The following DCX variants were observed in gnomAD, a reference collection of about 807,000 sequenced individuals.
DCX encodes the protein neuronal migration protein doublecortin.
DCX carries 4 observed loss-of-function variants against 20.9 expected under a neutral mutation model. The observed-to-expected ratio is 0.19, with a 90% CI of 0.09 to 0.44. The LOEUF (loss-of-function observed/expected upper bound fraction) is 0.44. Ranked by LOEUF, DCX falls within the 20% of genes least tolerant of loss-of-function variation. DCX has a pLI of 0.99. For missense variants in DCX, 133 were observed against 296.9 expected (o/e 0.45, Z 4.06); for synonymous variants, 103 against 111.4 (o/e 0.92, Z 0.47).
At chrX:111,362,511 G>T (rs943075344) in intron 3 of DCX, among the ~76,000 whole-genome samples, 5 of 111,563 alleles carry the variant, frequency 4.5e-5, no homozygotes, top group African/African-American at 1.6e-4. Context: ...CAAAGAACGA[G>T]ATGGTGCTGT....
At chrX:111,302,155 T>C (rs1008842614) in intron 6 of DCX, among the ~76,000 whole-genome samples, 2 of 112,025 alleles carry the variant, frequency 1.8e-5, no homozygotes, top group African/African-American at 6.5e-5. Flanking sequence ...ATAATCTGTT[T>C]CCTGTCTCTG....
intron 3 of DCX, among the ~76,000 whole-genome samples, chrX:111,388,889 T>C: frequency 8.9e-6 from 1 of 112,271 alleles, no homozygotes; most frequent in Middle Eastern, 4.6e-3. Context: ...GCTAGCTCTA[T>C]ATGTTATAGT....
intron 2 of DCX, among the ~76,000 whole-genome samples, chrX:111,406,665 T>C (rs1928234401): frequency 8.9e-6 from 1 of 112,236 alleles, no homozygotes; most frequent in Admixed American, 9.4e-5. Context: ...TTGAAAACAT[T>C]ATTCTAAGTC....
chrX:111,354,861 C>T (rs1373297669), intron 3 of DCX, among the ~76,000 whole-genome samples: 1 of 112,578 alleles, frequency 8.9e-6, no homozygotes, highest in African/African-American at 3.2e-5. Flanking sequence ...GCCCCCTTCT[C>T]ACTGTACCTC....
chrX:111,351,263 T>A (rs929230055), intron 3 of DCX, among the ~76,000 whole-genome samples: 1 of 112,177 alleles, frequency 8.9e-6, no homozygotes, highest in Non-Finnish European at 1.9e-5. Flanking sequence ...CAAGATTCCC[T>A]ATCCTGTCTC....
intron 6 of DCX, among the ~76,000 whole-genome samples, chrX:111,303,220 T>C (rs1410432545): frequency 9.1e-6 from 1 of 109,482 alleles, no homozygotes; most frequent in African/African-American, 3.3e-5. Flanking sequence ...CCCGAGTAGC[T>C]GGGATTACAG....
chrX:111,335,678 T>G (rs1211817614), intron 3 of DCX, among the ~76,000 whole-genome samples: 1 of 112,580 alleles, frequency 8.9e-6, no homozygotes, highest in African/African-American at 3.2e-5. Context: ...CCAGGTGCAG[T>G]GACTTACGCC....
intron 3 of DCX, among the ~76,000 whole-genome samples, chrX:111,397,647 G>A (rs920155183): frequency 9.0e-6 from 1 of 111,585 alleles, no homozygotes; most frequent in African/African-American, 3.3e-5. Context: ...ACAAAACAAC[G>A]TTTAATTTGT....
intron 3 of DCX, among the ~76,000 whole-genome samples, chrX:111,350,278 A>T (rs1923203634): frequency 9.0e-6 from 1 of 111,720 alleles, no homozygotes; most frequent in South Asian, 3.8e-4. Flanking sequence ...CCTGGAGAGT[A>T]GATCTGCCAC....
chrX:111,318,280 T>C (rs1239538129), intron 5 of DCX, among the ~76,000 whole-genome samples: 2 of 106,486 alleles, frequency 1.9e-5, no homozygotes, highest in Admixed American at 2.0e-4. Flanking sequence ...TGTAAATTAC[T>C]TCAACCATTG....
chrX:111,370,813 GGC>G (rs1369231085), intron 3 of DCX, among the ~76,000 whole-genome samples: 1 of 110,590 alleles, frequency 9.0e-6, no homozygotes, highest in Non-Finnish European at 1.9e-5. Flanking sequence ...CCCTACTCCA[GGC>G]TAATTATTTC....
chrX:111,320,567 C>T (rs1011188363), intron 5 of DCX, among the ~76,000 whole-genome samples: 1 of 111,102 alleles, frequency 9.0e-6, no homozygotes, highest in Non-Finnish European at 1.9e-5. Context: ...TTCTCCTTAA[C>T]TTGTCTCTCT....
Position 111,298,508 on chromosome X carries a change from A to G in DCX, c.*3179T>C, listed in dbSNP as rs2147563771. ...AAATAACTCTCAGGAGCCTAATGGA[A>G]GGCAATACTACTTAGTGGGAAAAGG... On this transcript the variant is annotated 3_prime_UTR_variant, in exon 7 of 7. Coordinates refer to ENST00000636035, the MANE Select transcript of DCX (RefSeq NM_001195553.2). 1 of 111,868 alleles carries G rather than the reference A, an allele frequency of 8.9e-6. No homozygotes were observed. Among genetic ancestry groups the G allele is most frequent in the Non-Finnish European group, 1.9e-5 (1 of 53,049 alleles). 9.2% of individuals were successfully genotyped at this position (111,868 alleles called of 1,213,427 possible). A position where few individuals can be genotyped will look rare whatever the true frequency, so the allele number is the denominator to read the frequency against.
At chrX:111,386,061 T>A (rs192602283) in intron 3 of DCX, among the ~76,000 whole-genome samples, 1 of 111,909 alleles carries the variant, frequency 8.9e-6, no homozygotes. Flanking sequence ...CATCATTCTG[T>A]TCTGTTTCAG....
chrX:111,335,564 C>T (rs1321890218), intron 3 of DCX, among the ~76,000 whole-genome samples: 1 of 112,431 alleles, frequency 8.9e-6, no homozygotes, highest in Non-Finnish European at 1.9e-5. Context: ...AATTTAGGAA[C>T]AAGAAAAGTA....
At chrX:111,345,854 C>T (rs1922762971) in intron 3 of DCX, among the ~76,000 whole-genome samples, 1 of 111,820 alleles carries the variant, frequency 8.9e-6, no homozygotes, top group Admixed American at 9.4e-5. Flanking sequence ...ATTTACATTC[C>T]CACCAACAGC....
At chrX:111,310,512 G>C (rs1274913764) in intron 6 of DCX, among the ~76,000 whole-genome samples, 1 of 111,043 alleles carries the variant, frequency 9.0e-6, no homozygotes, top group African/African-American at 3.3e-5. Context: ...AGATACATAA[G>C]TTGTTTATTA....
chrX:111,397,347 C>A (rs765898587), intron 3 of DCX, among the ~76,000 whole-genome samples: 17 of 111,680 alleles, frequency 1.5e-4, no homozygotes, highest in South Asian at 1.1e-3. Context: ...CCTTGTGTCA[C>A]GTATAGCCAA....
intron 6 of DCX, among the ~76,000 whole-genome samples, chrX:111,306,178 T>G (rs1386874807): frequency 9.0e-6 from 1 of 111,215 alleles, no homozygotes; most frequent in Non-Finnish European, 1.9e-5. Context: ...CTCAATGCTG[T>G]CTAAAAGAGA....
Sources: allele counts gnomAD v4.1 joint callset (sites outside exome capture counted in the v4.1 genomes callset), GRCh38; gene constraint gnomAD v4.1.1; transcripts MANE v1.5; gene names NCBI Gene and HGNC (gene_info 2026-07-23, HGNC 2026-07-21).